UTRN: variants seen among roughly 807,000 people sequenced by gnomAD.
The protein encoded by UTRN is utrophin, also known as dystrophin-related protein 1.
In UTRN, 283 loss-of-function variants were observed where a neutral mutation model predicts 463.9. That is an observed-to-expected ratio of 0.61 (90% CI 0.55 to 0.67). The LOEUF (loss-of-function observed/expected upper bound fraction) is 0.67. Ranked by LOEUF, UTRN falls within the 30% of genes least tolerant of loss-of-function variation. The pLI is 0.00. For synonymous variants in UTRN, 1,442 were observed against 1,431.5 expected (o/e 1.01, Z -0.17); for missense variants, 3,922 against 4,084.3 (o/e 0.96, Z 1.08).
intron 49 of UTRN, among the ~76,000 whole-genome samples, chr6:144,556,824 A>G (rs1168394982): frequency 6.6e-6 from 1 of 152,208 alleles, no homozygotes; most frequent in Admixed American, 6.5e-5. Context: ...TCAGTCCTTT[A>G]TGACGCATGT....
At chr6:144,839,469 A>C (rs1247167763) in intron 72 of UTRN, among the ~76,000 whole-genome samples, 185 bp downstream of exon 72, 2 of 152,242 alleles carry the variant, frequency 1.3e-5, no homozygotes, top group African/African-American at 4.8e-5. Flanking sequence ...TTTTCAAATA[A>C]GCTATAATAC....
intron 2 of UTRN, among the ~76,000 whole-genome samples, chr6:144,302,597 GTTCA>G (rs1210811273): frequency 6.6e-6 from 1 of 151,952 alleles, no homozygotes; most frequent in East Asian, 1.9e-4. Context: ...AATGGTTATT[GTTCA>G]TTCATTGTTA....
intron 16 of UTRN, 107 bp from the exon 17 acceptor site, chr6:144,448,493 T>C: frequency 3.2e-6 from 4 of 1,252,524 alleles, no homozygotes; most frequent in Non-Finnish European, 4.5e-6. Flanking sequence ...ATAAATGTGC[T>C]AATAACCATT....
At chr6:144,694,614 C>G (rs1357006691) in intron 52 of UTRN, among the ~76,000 whole-genome samples, 1 of 151,972 alleles carries the variant, frequency 6.6e-6, no homozygotes, top group Non-Finnish European at 1.5e-5. Context: ...TTGGTTCAGT[C>G]CTGGGAGAAT....
At chr6:144,462,497 TG>T (rs1321988999) in intron 22 of UTRN, among the ~76,000 whole-genome samples, 156 bp from the exon 23 acceptor site, 1 of 152,224 alleles carries the variant, frequency 6.6e-6, no homozygotes, top group Non-Finnish European at 1.5e-5. Context: ...TCTTCCACAG[TG>T]GTTGAACTAA....
At chr6:144,759,827 T>C (rs1792449497) in intron 58 of UTRN, among the ~76,000 whole-genome samples, 1 of 152,146 alleles carries the variant, frequency 6.6e-6, no homozygotes, top group African/African-American at 2.4e-5. Flanking sequence ...CTGCCAACTT[T>C]GATTTTATCC....
intron 58 of UTRN, among the ~76,000 whole-genome samples, chr6:144,761,816 G>A (rs918957389): frequency 1.1e-4 from 16 of 152,212 alleles, no homozygotes; most frequent in African/African-American, 3.9e-4. Flanking sequence ...TCAGATAAAA[G>A]TCAACTTCCA....
In UTRN at chr6:144,619,031, A is replaced by G. The variant is rs1038373624; in HGVS notation, c.7479+41743A>G. On this transcript the variant is annotated intron_variant, in intron 51 of 74. Transcript: ENST00000367545. ...TAAGCTATTTGATCTTTTAAATAGA[A>G]TCATTCGATTTTGCTGACACTTAGC... 2.6e-5 allele frequency among the ~76,000 whole-genome samples: 4 copies of G among 152,160 alleles called. No homozygotes were observed. In the South Asian group the frequency reaches 8.3e-4, roughly 31 times the overall value.
intron 53 of UTRN, among the ~76,000 whole-genome samples, chr6:144,712,285 T>A (rs997262970): frequency 1.3e-5 from 2 of 152,132 alleles, no homozygotes; most frequent in Non-Finnish European, 2.9e-5. Context: ...AACACCCCAT[T>A]TGGTTGTCTG....
chr6:144,381,906 C>G (rs1780965400), intron 2 of UTRN, among the ~76,000 whole-genome samples: 1 of 152,298 alleles, frequency 6.6e-6, no homozygotes, highest in Admixed American at 6.5e-5. Flanking sequence ...GTATTTCTGT[C>G]TTTAGGTCTT....
intron 2 of UTRN, among the ~76,000 whole-genome samples, chr6:144,333,485 A>G (rs1776486099): frequency 6.6e-6 from 1 of 152,262 alleles, no homozygotes; most frequent in Non-Finnish European, 1.5e-5. Flanking sequence ...AAGATCATAC[A>G]GCAACACTTA....
chr6:144,779,802 G>GT (rs147640637), intron 60 of UTRN, among the ~76,000 whole-genome samples: 2,177 of 152,244 alleles, frequency 0.014, 54 homozygotes, highest in African/African-American at 0.05. Context: ...ATGGTTCTTA[G>GT]TTTTTTTCTG....
chr6:144,401,880 C>T (rs1483673637), intron 2 of UTRN, among the ~76,000 whole-genome samples: 1 of 152,122 alleles, frequency 6.6e-6, no homozygotes, highest in African/African-American at 2.4e-5. Context: ...GGGCTTCCTC[C>T]ATTATTATTT....
At chr6:144,434,708 G>T (rs931910597) in intron 9 of UTRN, among the ~76,000 whole-genome samples, 2 of 152,156 alleles carry the variant, frequency 1.3e-5, no homozygotes, top group Non-Finnish European at 1.5e-5. Context: ...GGAGAAAAAA[G>T]AGCCTAGAAC....
At chr6:144,363,031 T>C (rs1779210205) in intron 2 of UTRN, among the ~76,000 whole-genome samples, 1 of 152,236 alleles carries the variant, frequency 6.6e-6, no homozygotes, top group Admixed American at 6.5e-5. Context: ...GTTTGCTATT[T>C]GAAATATGAT....
intron 53 of UTRN, among the ~76,000 whole-genome samples, chr6:144,719,554 G>A (rs1230852016): frequency 1.3e-5 from 2 of 152,172 alleles, no homozygotes; most frequent in South Asian, 2.1e-4. Flanking sequence ...TCAACGCTGG[G>A]CAACAAGAAC....
intron 2 of UTRN, among the ~76,000 whole-genome samples, chr6:144,355,496 G>A (rs1332263797): frequency 6.6e-6 from 1 of 152,052 alleles, no homozygotes; most frequent in Non-Finnish European, 1.5e-5. Flanking sequence ...ACCATGCCTG[G>A]CCCATTTTTT....
intron 2 of UTRN, chr6:144,330,962 G>C: frequency 1.0e-6 from 1 of 985,360 alleles, no homozygotes. Flanking sequence ...CTGAGCCGAC[G>C]AGAAATGGAA....
intron 51 of UTRN, among the ~76,000 whole-genome samples, chr6:144,672,599 A>G (rs1781162644): frequency 6.6e-6 from 1 of 151,836 alleles, no homozygotes; most frequent in African/African-American, 2.4e-5. Flanking sequence ...AGTTTTATTT[A>G]TCTTTTCAAA....
Sources: gnomAD v4.1 joint callset for allele counts (sites outside exome capture counted in the v4.1 genomes callset) on GRCh38, gnomAD v4.1.1 for gene constraint, MANE v1.5 for transcripts, NCBI Gene and HGNC (gene_info 2026-07-23, HGNC 2026-07-21) for gene names.